Variants in SLC15A4 observed in about 807,000 individuals in gnomAD.
The protein encoded by SLC15A4 is solute carrier family 15 member 4, also known as hPHT1.
Under a neutral mutation model 46.1 loss-of-function variants are expected in SLC15A4, and 26 were observed. The ratio of observed to expected loss-of-function variants is 0.56; its 90% confidence interval spans 0.41 to 0.78. SLC15A4 has a LOEUF of 0.78. SLC15A4 is among the 30% of genes least tolerant of loss of function. The probability of loss-of-function intolerance (pLI) is 0.00; values close to 1 mark genes in which losing one functional copy is unlikely to be tolerated. For synonymous variants in SLC15A4, 370 were observed against 333.4 expected, an observed-to-expected ratio of 1.11 and a Z score of -1.20; for missense variants, 751 against 755.7, an observed-to-expected ratio of 0.99 and a Z score of 0.07.
intron 1 of SLC15A4, among the ~76,000 whole-genome samples, chr12:128,822,192 TG>T (rs1193838794): frequency 6.6e-6 from 1 of 152,254 alleles, no homozygotes; most frequent in African/African-American, 2.4e-5. Context: ...GCCACGTCCT[TG>T]CCCCTCCTGA....
intron 1 of SLC15A4, among the ~76,000 whole-genome samples, chr12:128,816,749 T>C (rs961491406): frequency 3.9e-5 from 6 of 152,122 alleles, no homozygotes; most frequent in Admixed American, 6.5e-5. Flanking sequence ...GGAGGATCCC[T>C]TGAACTGGGG....
At chr12:128,798,863 G>A (rs1059314) in intron 7 of SLC15A4, among the ~76,000 whole-genome samples, 3 of 152,296 alleles carry the variant, frequency 2.0e-5, no homozygotes, top group Middle Eastern at 3.4e-3. Flanking sequence ...AAAAGAAAAC[G>A]AAAGTACACC....
rs1955883047 is a variant in SLC15A4 at position 128,823,555 on chromosome 12, G to C, written c.389C>G (p.Ala130Gly). The change falls in exon 1 of 8, where the codon GCC becomes GGC. Residue 130 changes from alanine to glycine, a missense_variant. Ala to Gly is a moderately conservative substitution (Grantham distance 60, BLOSUM62 0). Coordinates refer to ENST00000266771, the MANE Select transcript of SLC15A4 (RefSeq NM_145648.4). ...CAGGCGCGCGGAACCGCAGAGCGCG[G>C]CTCGCGTGGCGGGCGCGGCCAGCAG... The part of the protein sequence containing the change: ...FPLLAAPATR[A>G]ALCGSARLLN... 1 of 1,445,526 alleles carries C rather than the reference G, an allele frequency of 6.9e-7. No homozygotes were observed. Among genetic ancestry groups the C allele is most frequent in the Non-Finnish European group, 9.0e-7 (1 of 1,107,196 alleles). The allele number at this position is 1,445,526 out of a possible 1,614,324, so 89.5% of individuals were successfully genotyped here.
intron 1 of SLC15A4, among the ~76,000 whole-genome samples, chr12:128,817,611 C>T (rs919266410): frequency 2.0e-5 from 3 of 152,192 alleles, no homozygotes; most frequent in Non-Finnish European, 4.4e-5. Context: ...GACTTATGTC[C>T]TCTTCAGATG....
chr12:128,814,659 A>G, intron 2 of SLC15A4, 116 bp downstream of exon 2: 1 of 1,090,936 alleles, frequency 9.2e-7, no homozygotes, highest in South Asian at 1.5e-5. Flanking sequence ...AAGACATGTA[A>G]ACCACTCAGC....
At chr12:128,821,737 T>C (rs570756056) in intron 1 of SLC15A4, among the ~76,000 whole-genome samples, 1 of 151,890 alleles carries the variant, frequency 6.6e-6, no homozygotes, top group South Asian at 2.1e-4. Flanking sequence ...AATACAAAAG[T>C]TAGCTGGGCA....
chr12:128,795,730 G>C (rs930535691), intron 7 of SLC15A4, among the ~76,000 whole-genome samples: 1 of 152,212 alleles, frequency 6.6e-6, no homozygotes, highest in Non-Finnish European at 1.5e-5. Context: ...CGACGTGTGA[G>C]CAGAAAACGG....
chr12:128,821,884 CAAAAAAA>C (rs10579523), intron 1 of SLC15A4, among the ~76,000 whole-genome samples: 2 of 132,976 alleles, frequency 1.5e-5, no homozygotes, highest in African/African-American at 2.9e-5. Context: ...GACTCCGCCT[CAAAAAAA>C]AAAAAAAAAA....
rs78139023 is a variant in SLC15A4 at position 128,815,061 on chromosome 12, G to T, written c.556C>A (p.Arg186=). ...AATCTCCTAGTGGCTTCCGGACCTC[G>T]ATCTTTAACCTAAAATAACAGGGAG... ...TPFGADQVKD[R]GPEATRRFFN... The change falls in exon 2 of 8, where the codon CGA becomes AGA. Residue 186 remains arginine, a synonymous_variant. Coordinates refer to ENST00000266771, the MANE Select transcript of SLC15A4 (RefSeq NM_145648.4). 2.8e-4 allele frequency: 446 copies of T among 1,606,694 alleles called. 1 individual carries two copies. In the African/African-American group the frequency reaches 4.2e-3, roughly 15 times the overall value.
At chr12:128,806,791 G>A (rs775614786) in intron 5 of SLC15A4, among the ~76,000 whole-genome samples, 26 of 151,960 alleles carry the variant, frequency 1.7e-4, no homozygotes, top group Non-Finnish European at 3.1e-4. Context: ...AGGTCAGAGC[G>A]CATGCCTCCC....
In SLC15A4 at chr12:128,808,961, G is replaced by C. The variant is rs374379004; in HGVS notation, c.1090-5C>G. The stretch of plus-strand genomic sequence containing the variant: ...GGTCAGCCAGGCTGCAGGGAGCTGG[G>C]GTGAAACACAGGAGGAGGCGTTTAC... On this transcript the variant is annotated splice_region_variant and splice_polypyrimidine_tract_variant and intron_variant, in intron 4 of 7. Coordinates refer to ENST00000266771, the MANE Select transcript of SLC15A4 (RefSeq NM_145648.4). 3.7e-6 allele frequency: 6 copies of C among 1,611,568 alleles called. No individual in the cohort carries two copies. In the African/African-American group the frequency reaches 6.7e-5, roughly 18 times the overall value.
chr12:128,798,862 C>T (rs540474729), intron 7 of SLC15A4, among the ~76,000 whole-genome samples: 2 of 152,284 alleles, frequency 1.3e-5, no homozygotes, highest in Admixed American at 6.5e-5. Flanking sequence ...GAAAAGAAAA[C>T]GAAAGTACAC....
intron 7 of SLC15A4, among the ~76,000 whole-genome samples, chr12:128,797,548 C>G (rs980941926): frequency 2.6e-5 from 4 of 152,184 alleles, no homozygotes; most frequent in Admixed American, 6.5e-5. Flanking sequence ...ATAAAAGGAG[C>G]CTGCTGGGAG....
chr12:128,797,963 C>A (rs1450247017), intron 7 of SLC15A4, among the ~76,000 whole-genome samples: 2 of 152,208 alleles, frequency 1.3e-5, no homozygotes, highest in African/African-American at 4.8e-5. Context: ...AAACAACAGA[C>A]AGATCCTGGC....
chr12:128,799,437 G>C lies in SLC15A4; in HGVS notation c.1415-20C>G. ...CCAGGCCTGAGGAAAGAAAAGGGAG[G>C]GTCGTTTTTGTGAAAGGGGCACTTT... is the stretch of plus-strand genomic sequence containing the variant. On this transcript the variant is annotated intron_variant, in intron 6 of 7. Coordinates refer to ENST00000266771, the MANE Select transcript of SLC15A4 (RefSeq NM_145648.4). The C allele has an allele frequency of 1.9e-6, 3 of 1,613,088 alleles. No individual in the cohort carries two copies. The South Asian group carries it at 3.3e-5, about 18-fold the overall frequency.
Position 128,801,173 on chromosome 12 carries a change from C to T in SLC15A4, c.1259-164G>A. On this transcript the variant is annotated intron_variant, in intron 5 of 7. Coordinates refer to ENST00000266771, the MANE Select transcript of SLC15A4 (RefSeq NM_145648.4). ...CCAGGACTAATAGGCCCCCAGCCTT[C>T]AGCCTCCTAAGCAGGCTGAGTGGAG... 4 of 629,370 alleles carry T rather than the reference C, an allele frequency of 6.4e-6. No homozygotes were observed. In the South Asian group the frequency reaches 8.6e-5, roughly 14 times the overall value. 39.0% of individuals were successfully genotyped at this position (629,370 alleles called of 1,614,324 possible).
At chr12:128,801,148 C>T (rs1955514573) in intron 5 of SLC15A4, 139 bp from the exon 6 acceptor site, 1 of 783,300 alleles carries the variant, frequency 1.3e-6, no homozygotes, top group Non-Finnish European at 2.0e-6. Context: ...ACAGCTTCCC[C>T]CAGGACTAAT....
chr12:128,814,931 G>C lies in SLC15A4; in HGVS notation c.686C>G (p.Pro229Arg). The C allele has an allele frequency of 6.2e-7, 1 of 1,614,164 alleles. No individual in the cohort carries two copies. Among genetic ancestry groups the C allele is most frequent in the Non-Finnish European group, 8.5e-7 (1 of 1,180,022 alleles). The change falls in exon 2 of 8, where the codon CCC becomes CGC. Residue 229 changes from proline (P) to arginine (R), a missense_variant. Coordinates refer to ENST00000266771, the MANE Select transcript of SLC15A4 (RefSeq NM_145648.4). Reference sequence around the variant, plus strand: ...AAAAGCAAGGCCGACGCAGACAGTGGGGATCGCATAACCAGTGACAAAGCT... The same window carrying C: ...AAAAGCAAGGCCGACGCAGACAGTGCGGATCGCATAACCAGTGACAAAGCT... ...NVSFVTGYAI[P>R]TVCVGLAFVV...
chr12:128,814,548 G>A, intron 2 of SLC15A4: 1 of 521,006 alleles, frequency 1.9e-6, no homozygotes, highest in Non-Finnish European at 3.4e-6. Context: ...TGCAACGTGG[G>A]GTTAAAGCAT....
Sources: gnomAD v4.1 joint callset for allele counts (sites outside exome capture counted in the v4.1 genomes callset) on GRCh38, gnomAD v4.1.1 for gene constraint, MANE v1.5 for transcripts, NCBI Gene and HGNC (gene_info 2026-07-23, HGNC 2026-07-21) for gene names.